ASH1L: variants seen among roughly 807,000 people sequenced by gnomAD.
ASH1L encodes histone-lysine N-methyltransferase ASH1L.
ASH1L carries 23 observed loss-of-function variants against 269.0 expected under a neutral mutation model. The ratio of observed to expected loss-of-function variants is 0.09; its 90% CI spans 0.06 to 0.12. The LOEUF (loss-of-function observed/expected upper bound fraction) is 0.12. ASH1L is among the 10% of genes least tolerant of loss of function. ASH1L has a pLI of 1.00. For synonymous variants in ASH1L, 1,187 were observed against 1,253.5 expected (o/e 0.95, Z 1.12); for missense variants, 2,912 against 3,567.8 (o/e 0.82, Z 4.68).
At position 155,353,297 on chromosome 1, in the gene ASH1L, C is replaced by T. The variant is rs1200385643; in HGVS notation, c.7214-439G>A. ...GCTTTTAATGTGTTTTGCTCAGTGC[C>T]TGACATGTAAGCACTCTGTAAATGA... On this transcript the variant is annotated intron_variant, in intron 16 of 27. Transcript: ENST00000392403. Among the ~76,000 whole-genome samples the T allele has an allele frequency of 3.3e-5, 5 of 152,272 alleles. No homozygotes were observed. In the East Asian group the frequency reaches 9.6e-4, roughly 29 times the overall value.
intron 2 of ASH1L, among the ~76,000 whole-genome samples, chr1:155,495,946 C>T (rs147721231): frequency 0.015 from 2,350 of 152,034 alleles, 19 homozygotes; most frequent in Non-Finnish European, 0.025. Context: ...TGCAGTGAGC[C>T]GAGATCGTGC....
chr1:155,460,753 T>C (rs1664241325), intron 3 of ASH1L, among the ~76,000 whole-genome samples: 1 of 152,244 alleles, frequency 6.6e-6, no homozygotes, highest in Non-Finnish European at 1.5e-5. Context: ...AGTAAGTTTC[T>C]TTTAAAGCTG....
rs1432211424 is a variant in ASH1L at position 155,440,763 on chromosome 1, T to C, written c.5087-1695A>G. Among the ~76,000 whole-genome samples, 7 of 152,366 alleles carry C rather than the reference T, an allele frequency of 4.6e-5. No individual in the cohort carries two copies. The East Asian group carries it at 1.3e-3, about 29-fold the overall frequency. On this transcript the variant is annotated intron_variant, in intron 4 of 27. Transcript: ENST00000392403. Reference sequence around the variant, plus strand: ...TCTGATGACTACTGAATTTCTATTTTCTGAATAGACCTTTCTTCTAATTGT... The same window carrying C: ...TCTGATGACTACTGAATTTCTATTTCCTGAATAGACCTTTCTTCTAATTGT...
At chr1:155,542,610 G>A (rs1670501468) in intron 1 of ASH1L, among the ~76,000 whole-genome samples, 1 of 151,690 alleles carries the variant, frequency 6.6e-6, no homozygotes, top group Non-Finnish European at 1.5e-5. Context: ...GAAGGCCACT[G>A]AACATGCTTA....
chr1:155,338,570 G>A (rs1015785370), intron 26 of ASH1L, among the ~76,000 whole-genome samples, 180 bp from the exon 27 acceptor site: 16 of 152,086 alleles, frequency 1.1e-4, no homozygotes, highest in African/African-American at 3.9e-4. Flanking sequence ...ACCTTTACCA[G>A]AAATTTATTT....
chr1:155,410,057 C>T (rs960588195), intron 6 of ASH1L, among the ~76,000 whole-genome samples: 1 of 151,110 alleles, frequency 6.6e-6, no homozygotes, highest in African/African-American at 2.4e-5. Flanking sequence ...CTCAGCTACT[C>T]GGGAGGCTGA....
Position 155,438,424 on chromosome 1 carries a change from T to C in ASH1L, c.5731A>G (p.Lys1911Glu). ...VQSVNLNPEH[K>E]KGLKRKGWLL... ...CAACCTTTTCTCTTCAACCCCTTTT[T>C]ATGTTCTGGGTTCAGATTTACACTC... The change falls in exon 5 of 28, where the codon AAA becomes GAA. Residue 1911 changes from lysine (K) to glutamate (E), a missense_variant. Around this residue, in one of 13 missense-constraint regions of ASH1L, gnomAD observed 789 missense variants for 897.6 expected, o/e 0.88. Coordinates refer to ENST00000392403, the MANE Select transcript of ASH1L (RefSeq NM_018489.3). 1 of 1,613,566 alleles carries C rather than the reference T, an allele frequency of 6.2e-7. No individual in the cohort carries two copies. Among genetic ancestry groups the C allele is most frequent in the Non-Finnish European group, 8.5e-7 (1 of 1,179,866 alleles).
intron 1 of ASH1L, among the ~76,000 whole-genome samples, chr1:155,551,833 G>A (rs568649381): frequency 6.7e-5 from 10 of 150,348 alleles, no homozygotes; most frequent in East Asian, 5.9e-4. Context: ...AAAATTAGCC[G>A]GGCGTGGTGG....
At chr1:155,484,298 G>A (rs1666149022) in intron 2 of ASH1L, among the ~76,000 whole-genome samples, 1 of 151,920 alleles carries the variant, frequency 6.6e-6, no homozygotes, top group South Asian at 2.1e-4. Flanking sequence ...AGACCAGCTT[G>A]GCCAACATGG....
intron 2 of ASH1L, among the ~76,000 whole-genome samples, chr1:155,487,652 G>A (rs1324698885): frequency 1.3e-5 from 2 of 152,050 alleles, no homozygotes; most frequent in Non-Finnish European, 2.9e-5. Context: ...CCAAAGTGCT[G>A]GGATTACAGG....
intron 4 of ASH1L, among the ~76,000 whole-genome samples, chr1:155,454,673 C>A (rs779293414): frequency 4.6e-5 from 7 of 152,146 alleles, no homozygotes; most frequent in Non-Finnish European, 1.0e-4. Context: ...GAGGCTGAGG[C>A]AGGAGAATCG....
At chr1:155,415,948 T>G (rs757891313) in intron 5 of ASH1L, 25 bp from the exon 6 acceptor site, 1 of 1,456,700 alleles carries the variant, frequency 6.9e-7, no homozygotes, top group African/African-American at 1.5e-5. Context: ...TTAAAGATAA[T>G]TTTATTATGA....
chr1:155,480,054 T>G lies in ASH1L; in HGVS notation c.2816A>C (p.Glu939Ala). Residue 939 changes from glutamate (E) to alanine (A), a missense_variant, in exon 3 of 28, where the codon GAG becomes GCG. Around this residue, in one of 13 missense-constraint regions of ASH1L, gnomAD observed 715 missense variants for 721.0 expected, o/e 0.99. Transcript: ENST00000392403. ...HRSSSDFFES[E>A]DQLQDPDDLD... ...GTCATCTGGATCCTGAAGTTGATCC[T>G]CGCTCTCAAAGAAATCACTGCTACT... 6.2e-7 allele frequency: 1 copy of G among 1,614,128 alleles called. No individual in the cohort carries two copies. Among genetic ancestry groups the G allele is most frequent in the East Asian group, 2.2e-5 (1 of 44,882 alleles).
intron 3 of ASH1L, among the ~76,000 whole-genome samples, chr1:155,466,361 C>CAA (rs2148689963): frequency 6.9e-6 from 1 of 145,774 alleles, no homozygotes; most frequent in East Asian, 1.9e-4. Flanking sequence ...CTCAAAAAAA[C>CAA]AAAACAAAAC....
At chr1:155,351,508 G>A (rs930514336) in intron 17 of ASH1L, among the ~76,000 whole-genome samples, 11 of 151,444 alleles carry the variant, frequency 7.3e-5, no homozygotes, top group Non-Finnish European at 1.3e-4. Flanking sequence ...AGCCAAGATT[G>A]CACCACTGAA....
chr1:155,561,841 G>A (rs900137684), intron 1 of ASH1L, among the ~76,000 whole-genome samples: 4 of 149,706 alleles, frequency 2.7e-5, no homozygotes, highest in African/African-American at 9.8e-5. Context: ...CACACAAACT[G>A]GACTATGGGG....
intron 5 of ASH1L, among the ~76,000 whole-genome samples, chr1:155,437,663 G>C (rs973078242): frequency 6.6e-6 from 1 of 152,184 alleles, no homozygotes. Context: ...CTGTCATAGC[G>C]GCGTTACGGC....
chr1:155,505,788 G>T (rs1667775996), intron 2 of ASH1L, among the ~76,000 whole-genome samples: 1 of 151,928 alleles, frequency 6.6e-6, no homozygotes, highest in African/African-American at 2.4e-5. Context: ...TTAAAATAGG[G>T]TATAATTTAA....
intron 26 of ASH1L, among the ~76,000 whole-genome samples, chr1:155,339,004 G>T (rs1423565247): frequency 6.6e-6 from 1 of 152,162 alleles, no homozygotes; most frequent in Non-Finnish European, 1.5e-5. Context: ...TCTGTTCCTT[G>T]ATAGAGGTAC....
Sources: allele counts gnomAD v4.1 joint callset (sites outside exome capture counted in the v4.1 genomes callset), GRCh38; gene constraint gnomAD v4.1.1; regional missense constraint gnomAD v4.1.1; transcripts MANE v1.5; gene names NCBI Gene and HGNC (gene_info 2026-07-23, HGNC 2026-07-21).